FCAR: variants seen among roughly 807,000 people sequenced by gnomAD.
FCAR encodes the protein Fc alpha receptor.
Under a neutral mutation model 27.1 loss-of-function variants are expected in FCAR, and 21 were observed. The ratio of observed to expected loss-of-function variants is 0.77; its 90% CI spans 0.55 to 1.11. The LOEUF (loss-of-function observed/expected upper bound fraction) is 1.11. Ranked by LOEUF, FCAR falls within the 50% of genes most tolerant of loss-of-function variation. The pLI is 0.00. For missense variants in FCAR, 404 were observed against 358.4 expected (o/e 1.13, Z -1.03); for synonymous variants, 134 against 135.8 (o/e 0.99, Z 0.09).
At chr19:54,881,963 G>C (rs769837693) in intron 2 of FCAR, among the ~76,000 whole-genome samples, 1 of 152,202 alleles carries the variant, frequency 6.6e-6, no homozygotes, top group Non-Finnish European at 1.5e-5. Flanking sequence ...CAGGCTCCTT[G>C]CTTCTTCCCC....
intron 1 of FCAR, 69 bp downstream of exon 1, chr19:54,874,392 T>C: frequency 6.7e-7 from 1 of 1,483,250 alleles, no homozygotes; most frequent in South Asian, 1.1e-5. Context: ...GGGTGTCTCT[T>C]AACAGTGTGA....
At chr19:54,874,356 A>T (rs1030310058) in intron 1 of FCAR, 33 bp downstream of exon 1, 1 of 1,608,888 alleles carries the variant, frequency 6.2e-7, no homozygotes, top group South Asian at 1.1e-5. Context: ...GTTAGAGGGG[A>T]AGATAGAGAA....
intron 3 of FCAR, among the ~76,000 whole-genome samples, chr19:54,887,428 C>T (rs1196117335): frequency 6.6e-6 from 1 of 151,946 alleles, no homozygotes; most frequent in Non-Finnish European, 1.5e-5. Context: ...CAAGACCAGC[C>T]TGACCAACAT....
chr19:54,886,044 C>T (rs1028793190), intron 3 of FCAR, among the ~76,000 whole-genome samples: 2 of 152,024 alleles, frequency 1.3e-5, no homozygotes, highest in African/African-American at 2.4e-5. Context: ...GTCAGGAGTT[C>T]GAGACCAGCC....
rs1051030130 is a variant in FCAR at position 54,890,605 on chromosome 19, T to C, written c.*742T>C. ...ATCACGCCCAGCTACTTTTACAGTATTTTTAGTAGAGACGGGGTTTCATCA... is the reference window on the plus strand; with the variant it reads ...ATCACGCCCAGCTACTTTTACAGTACTTTTAGTAGAGACGGGGTTTCATCA... On this transcript the variant is annotated 3_prime_UTR_variant, in exon 5 of 5. Transcript: ENST00000355524. 2 of 151,808 alleles carry C rather than the reference T, an allele frequency of 1.3e-5. No homozygotes were observed. Among genetic ancestry groups the C allele is most frequent in the South Asian group, 4.2e-4 (2 of 4,792 alleles). The allele number at this position is 151,808 out of a possible 1,614,324, so 9.4% of individuals were successfully genotyped here.
intron 4 of FCAR, chr19:54,889,002 C>A: frequency 3.2e-6 from 2 of 629,408 alleles, no homozygotes; most frequent in Non-Finnish European, 3.9e-6. Context: ...CAGGAGGCAG[C>A]TGTTGCAGTG....
At chr19:54,878,041 G>C (rs1441787046) in intron 2 of FCAR, among the ~76,000 whole-genome samples, 2 of 151,324 alleles carry the variant, frequency 1.3e-5, no homozygotes, top group African/African-American at 4.9e-5. Flanking sequence ...TCAGCCTCCT[G>C]AGTAGCTGAG....
intron 1 of FCAR, among the ~76,000 whole-genome samples, 169 bp downstream of exon 1, chr19:54,874,492 C>T (rs2065984400): frequency 1.3e-5 from 2 of 152,148 alleles, no homozygotes; most frequent in South Asian, 4.1e-4. Flanking sequence ...TGTCTCTACC[C>T]AAGCCCAAGC....
At chr19:54,889,384 AAAAAAAAAC>A (rs1416428056) in intron 4 of FCAR, among the ~76,000 whole-genome samples, 2 of 149,698 alleles carry the variant, frequency 1.3e-5, no homozygotes, top group African/African-American at 5.0e-5. Flanking sequence ...AAAAAAAAAA[AAAAAAAAAC>A]ACACACAACC....
At chr19:54,874,506 C>G (rs2304225) in intron 1 of FCAR, among the ~76,000 whole-genome samples, 183 bp downstream of exon 1, 7,922 of 152,192 alleles carry the variant, frequency 0.052, 319 homozygotes, top group East Asian at 0.16. Flanking sequence ...CCCAAGCTAG[C>G]TTGTGGGGCT....
chr19:54,881,473 T>C (rs1037480745), intron 2 of FCAR, among the ~76,000 whole-genome samples: 5 of 151,908 alleles, frequency 3.3e-5, no homozygotes, highest in African/African-American at 1.2e-4. Context: ...GGTGGGGCTG[T>C]TGTGCCGCGG....
intron 2 of FCAR, among the ~76,000 whole-genome samples, chr19:54,878,064 C>G (rs1263207655): frequency 1.3e-5 from 2 of 151,928 alleles, no homozygotes; most frequent in Non-Finnish European, 2.9e-5. Context: ...TACAGGTGCC[C>G]GCCACCCCGC....
chr19:54,875,455 C>A, intron 2 of FCAR, 90 bp downstream of exon 2: 1 of 1,075,008 alleles, frequency 9.3e-7, no homozygotes, highest in Non-Finnish European at 1.4e-6. Context: ...AAGCACCATT[C>A]TTATTTTAAT....
chr19:54,886,844 G>A (rs78683814), intron 3 of FCAR, among the ~76,000 whole-genome samples: 6,572 of 152,314 alleles, frequency 0.043, 179 homozygotes, highest in Middle Eastern at 0.1. Flanking sequence ...CTCATGACTA[G>A]ACTGAGTTAT....
chr19:54,889,357 G>A (rs1182809569), intron 4 of FCAR, among the ~76,000 whole-genome samples: 17 of 124,874 alleles, frequency 1.4e-4, no homozygotes, highest in Admixed American at 1.8e-4. Context: ...GGGCAACAGA[G>A]TGAGACTCCA....
chr19:54,886,246 T>TCA (rs1224086769), intron 3 of FCAR, among the ~76,000 whole-genome samples: 7,940 of 125,292 alleles, frequency 0.063, 293 homozygotes, highest in South Asian at 0.17. Context: ...AGACTCCATC[T>TCA]CACACACACA....
chr19:54,886,017 T>G (rs768760036), intron 3 of FCAR, among the ~76,000 whole-genome samples: 75 of 151,462 alleles, frequency 5.0e-4, no homozygotes, highest in Non-Finnish European at 9.0e-4. Context: ...GTGGCTGAGG[T>G]GGGTGGATCA....
rs1413977286 is a variant in FCAR, at chr19:54,885,179, A to T, written c.71-56A>T. ...ATTTTTACTTCTCCCACAGAGAAGG[A>T]AAGGAATGGCTTCCCCATGGCAAGC... On this transcript the variant is annotated intron_variant, in intron 2 of 4. Coordinates refer to ENST00000355524, the MANE Select transcript of FCAR (RefSeq NM_002000.4). 2.7e-6 allele frequency: 4 copies of T among 1,458,088 alleles called. No homozygotes were observed. In the Admixed American group the frequency reaches 7.8e-5, roughly 28 times the overall value. 90.3% of individuals were successfully genotyped at this position (1,458,088 alleles called of 1,614,324 possible). A position where few individuals can be genotyped will look rare whatever the true frequency, so the allele number is the denominator to read the frequency against.
rs115424230 is a variant in FCAR, at chr19:54,889,910, C to T, written c.*47C>T. 847 of 1,346,382 alleles carry T rather than the reference C, an allele frequency of 6.3e-4. 4 individuals carry two copies. The African/African-American group carries it at 0.011, about 17-fold the overall frequency. The allele number at this position is 1,346,382 out of a possible 1,614,324, so 83.4% of individuals were successfully genotyped here. On this transcript the variant is annotated 3_prime_UTR_variant, in exon 5 of 5. Transcript: ENST00000355524. Reference sequence around the variant, plus strand: ...GAGGAGCCAGGACTGTGGAGTCCGACAAAGCTACTTGAAGGACACAAGAGA... The same window carrying T: ...GAGGAGCCAGGACTGTGGAGTCCGATAAAGCTACTTGAAGGACACAAGAGA...
Sources: allele counts gnomAD v4.1 joint callset (sites outside exome capture counted in the v4.1 genomes callset), GRCh38; gene constraint gnomAD v4.1.1; transcripts MANE v1.5; gene names NCBI Gene and HGNC (gene_info 2026-07-23, HGNC 2026-07-21).